URGCP: variants seen among roughly 807,000 people sequenced by gnomAD.
URGCP encodes up-regulator of cell proliferation.
Under a neutral mutation model 24.6 loss-of-function variants are expected in URGCP, and 13 were observed. The observed-to-expected ratio is 0.53, with a 90% CI of 0.34 to 0.84. URGCP has a LOEUF of 0.84. URGCP is among the 40% of genes least tolerant of loss of function. URGCP has a pLI of 0.01. For missense variants in URGCP, 899 were observed against 1,194.3 expected, an observed-to-expected ratio of 0.75 and a Z score of 3.64; for synonymous variants, 444 against 487.2, an observed-to-expected ratio of 0.91 and a Z score of 1.17.
chr7:43,917,720 G>C (rs1332705044), intron 1 of URGCP, among the ~76,000 whole-genome samples: 2 of 152,140 alleles, frequency 1.3e-5, no homozygotes, highest in East Asian at 3.8e-4. Flanking sequence ...GGCTAATGTT[G>C]GGTAATAAAG....
intron 1 of URGCP, among the ~76,000 whole-genome samples, chr7:43,892,324 A>C (rs1043708216): frequency 2.0e-5 from 3 of 148,154 alleles, no homozygotes; most frequent in Non-Finnish European, 4.5e-5. Flanking sequence ...CCCAGGTTCA[A>C]GTGATTCTCC....
At chr7:43,918,974 G>A (rs1259425605) in intron 1 of URGCP, 44 of 1,310,084 alleles carry the variant, frequency 3.4e-5, no homozygotes, top group Non-Finnish European at 3.8e-5. Context: ...ACATCTACCT[G>A]TCGGAGCATG....
Position 43,876,545 on chromosome 7 carries a change from C to T in URGCP, c.*122G>A. The T allele has an allele frequency of 9.0e-7, 1 of 1,109,282 alleles. No individual in the cohort carries two copies. The highest frequency in any genetic ancestry group is 1.3e-6 in the Non-Finnish European group (1 of 770,454). The allele number at this position is 1,109,282 out of a possible 1,614,324, so 68.7% of individuals were successfully genotyped here. Reference sequence around the variant, plus strand: ...ACTCCAAACCCTGTCTTTTCCTCGTCTTCTCATGTCGATTGGGCACCAGCC... The same window carrying T: ...ACTCCAAACCCTGTCTTTTCCTCGTTTTCTCATGTCGATTGGGCACCAGCC... On this transcript the variant is annotated 3_prime_UTR_variant, in exon 6 of 6. Coordinates refer to ENST00000453200, the MANE Select transcript of URGCP (RefSeq NM_001077663.3).
intron 2 of URGCP, 46 bp from the exon 3 acceptor site, chr7:43,887,531 C>A (rs2095863966): frequency 6.2e-7 from 1 of 1,601,604 alleles, no homozygotes; most frequent in Non-Finnish European, 8.5e-7. Context: ...AATGGAATAC[C>A]ACTTTCACCT....
Position 43,885,144 on chromosome 7 carries a change from A to G in URGCP, c.112+2271T>C, listed in dbSNP as rs2095860246. ...TAAAGACAGTCTTGCTCTGTCGCCC[A>G]GGCTGGAGTGCAGTGGTATGATCCC... On this transcript the variant is annotated intron_variant, in intron 3 of 5. Coordinates refer to ENST00000453200, the MANE Select transcript of URGCP (RefSeq NM_001077663.3). Among the ~76,000 whole-genome samples, 5 of 150,758 alleles carry G rather than the reference A, an allele frequency of 3.3e-5. No homozygotes were observed. In the South Asian group the frequency reaches 1.0e-3, roughly 31 times the overall value.
intron 1 of URGCP, among the ~76,000 whole-genome samples, chr7:43,918,279 AAAG>A (rs1306694760): frequency 6.6e-6 from 1 of 151,608 alleles, no homozygotes; most frequent in Non-Finnish European, 1.5e-5. Context: ...AAAAAAAAAA[AAAG>A]AAAGAAAAAA....
intron 3 of URGCP, among the ~76,000 whole-genome samples, chr7:43,884,862 G>C (rs1470290049): frequency 6.6e-6 from 1 of 152,088 alleles, no homozygotes; most frequent in Non-Finnish European, 1.5e-5. Flanking sequence ...AATCTTCAGA[G>C]TTGAGTAAGA....
chr7:43,899,284 A>ATT (rs753099024), intron 1 of URGCP, among the ~76,000 whole-genome samples: 1 of 139,572 alleles, frequency 7.2e-6, no homozygotes, highest in Non-Finnish European at 1.6e-5. Context: ...GAAAGGCTTA[A>ATT]TTTTTTTTTT....
chr7:43,881,025 T>C (rs1298539348), intron 5 of URGCP: 1 of 609,792 alleles, frequency 1.6e-6, no homozygotes. Context: ...AGGGGACCTA[T>C]GAACTTGTTA....
intron 1 of URGCP, chr7:43,918,605 G>A: frequency 7.8e-6 from 4 of 514,884 alleles, no homozygotes; most frequent in Non-Finnish European, 1.4e-5. Flanking sequence ...TTCTTAAAGA[G>A]CGCTCAGCTT....
At chr7:43,898,106 G>A (rs1055939990) in intron 1 of URGCP, among the ~76,000 whole-genome samples, 2 of 152,042 alleles carry the variant, frequency 1.3e-5, no homozygotes, top group Non-Finnish European at 2.9e-5. Flanking sequence ...GACCACTGTC[G>A]GCAACTTCCC....
At chr7:43,897,441 A>G (rs1347874007) in intron 1 of URGCP, among the ~76,000 whole-genome samples, 1 of 152,178 alleles carries the variant, frequency 6.6e-6, no homozygotes, top group African/African-American at 2.4e-5. Flanking sequence ...CAAAGGCCCT[A>G]ACGTACCCAG....
chr7:43,890,801 A>C (rs1000700634), intron 1 of URGCP, among the ~76,000 whole-genome samples: 1 of 152,246 alleles, frequency 6.6e-6, no homozygotes, highest in Non-Finnish European at 1.5e-5. Flanking sequence ...GAAAGAATCA[A>C]GCCCCTGACC....
chr7:43,911,925 A>G (rs2095910562), intron 1 of URGCP, among the ~76,000 whole-genome samples: 1 of 152,176 alleles, frequency 6.6e-6, no homozygotes, highest in Non-Finnish European at 1.5e-5. Flanking sequence ...AAACTAGAAA[A>G]TTGACAAATG....
At chr7:43,918,694 G>A in intron 1 of URGCP, 1 of 676,666 alleles carries the variant, frequency 1.5e-6, no homozygotes, top group East Asian at 2.6e-5. Context: ...TGCCTGAGGA[G>A]CGATACCAAG....
At chr7:43,883,310 TTATATATATAAATATA>T (rs2095856701) in intron 3 of URGCP, among the ~76,000 whole-genome samples, 1 of 142,718 alleles carries the variant, frequency 7.0e-6, no homozygotes, top group Non-Finnish European at 1.5e-5. Flanking sequence ...GTTCCAAAAT[TTATATATATAAATATA>T]TATATATATA....
chr7:43,912,138 TAAAGAA>T (rs1488017178), intron 1 of URGCP, among the ~76,000 whole-genome samples: 1 of 151,978 alleles, frequency 6.6e-6, no homozygotes, highest in Non-Finnish European at 1.5e-5. Flanking sequence ...CTCTATACCT[TAAAGAA>T]AAAGAAAATG....
intron 1 of URGCP, chr7:43,918,840 G>GAAA: frequency 7.5e-7 from 1 of 1,341,300 alleles, no homozygotes; most frequent in South Asian, 1.2e-5. Context: ...TGACCACAAG[G>GAAA]ACATCTTTTT....
At chr7:43,904,818 G>T (rs989408751) in intron 1 of URGCP, among the ~76,000 whole-genome samples, 1 of 152,322 alleles carries the variant, frequency 6.6e-6, no homozygotes, top group Admixed American at 6.5e-5. Flanking sequence ...ATATGGTACA[G>T]CCTGTTGCTC....
Sources: gnomAD v4.1 joint callset for allele counts (sites outside exome capture counted in the v4.1 genomes callset) on GRCh38, gnomAD v4.1.1 for gene constraint, MANE v1.5 for transcripts, NCBI Gene and HGNC (gene_info 2026-07-23, HGNC 2026-07-21) for gene names.